The following SAMD4A variants were observed in gnomAD, a reference collection of about 807,000 sequenced individuals.
SAMD4A encodes sterile alpha motif domain containing 4A.
SAMD4A carries 33 observed loss-of-function variants against 81.3 expected under a neutral mutation model. The ratio of observed to expected loss-of-function variants is 0.41; its 90% CI spans 0.31 to 0.54. The LOEUF (loss-of-function observed/expected upper bound fraction) is 0.54, where lower values mean the gene tolerates loss of function less well. Among genes scored for constraint, SAMD4A ranks in the 20% least tolerant of loss-of-function variants. The pLI is 0.37. For synonymous variants in SAMD4A, 389 were observed against 382.1 expected (o/e 1.02, Z -0.21); for missense variants, 854 against 951.1 (o/e 0.90, Z 1.34).
At chr14:54,742,899 A>G (rs1356104177) in intron 4 of SAMD4A, among the ~76,000 whole-genome samples, 1 of 152,160 alleles carries the variant, frequency 6.6e-6, no homozygotes, top group Non-Finnish European at 1.5e-5. Flanking sequence ...TTCTAAGGAG[A>G]CTTTCGTTAG....
intron 3 of SAMD4A, among the ~76,000 whole-genome samples, chr14:54,724,008 G>GGAAGGAAGGAAGGAAGGAA (rs1555347525): frequency 5.4e-4 from 21 of 39,112 alleles, no homozygotes; most frequent in Non-Finnish European, 9.0e-4. Context: ...ATGGATGGAT[G>GGAAGGAAGGAAGGAAGGAA]GAAGGAAGGA....
intron 2 of SAMD4A, among the ~76,000 whole-genome samples, chr14:54,606,484 CCT>C (rs1172236245): frequency 6.6e-6 from 1 of 152,062 alleles, no homozygotes; most frequent in Non-Finnish European, 1.5e-5. Context: ...GGAGTTTGCC[CCT>C]GCACTGTCAG....
intron 3 of SAMD4A, among the ~76,000 whole-genome samples, chr14:54,723,240 A>G (rs1307020984): frequency 6.6e-6 from 1 of 152,190 alleles, no homozygotes; most frequent in Non-Finnish European, 1.5e-5. Context: ...ACAGAACAGC[A>G]GAACCGTAAG....
At chr14:54,713,014 T>C (rs922907557) in intron 3 of SAMD4A, among the ~76,000 whole-genome samples, 1 of 152,192 alleles carries the variant, frequency 6.6e-6, no homozygotes, top group African/African-American at 2.4e-5. Flanking sequence ...TGTAGTCTTA[T>C]GATTTCTGTT....
At chr14:54,771,998 T>C (rs985348883) in intron 9 of SAMD4A, among the ~76,000 whole-genome samples, 4 of 152,228 alleles carry the variant, frequency 2.6e-5, no homozygotes, top group Non-Finnish European at 5.9e-5. Flanking sequence ...ATTGATTAGA[T>C]AAGAATGAAT....
intron 3 of SAMD4A, among the ~76,000 whole-genome samples, chr14:54,709,006 G>A (rs780810412): frequency 6.6e-6 from 1 of 152,186 alleles, no homozygotes; most frequent in Non-Finnish European, 1.5e-5. Context: ...GAGGCCGGAT[G>A]CAGTGGCTCA....
chr14:54,575,847 C>A (rs1481648761), intron 2 of SAMD4A, among the ~76,000 whole-genome samples: 2 of 152,146 alleles, frequency 1.3e-5, no homozygotes, highest in Non-Finnish European at 2.9e-5. Context: ...CTCACCGGCT[C>A]TTTGAACTAC....
chr14:54,589,043 ACATTTTCGTACTTG>A (rs2033702889), intron 2 of SAMD4A, among the ~76,000 whole-genome samples: 1 of 152,238 alleles, frequency 6.6e-6, no homozygotes, highest in South Asian at 2.1e-4. Context: ...AAGAATTATA[ACATTTTCGTACTTG>A]CATTGTCTGT....
At chr14:54,646,748 C>G (rs2035295795) in intron 2 of SAMD4A, among the ~76,000 whole-genome samples, 1 of 152,184 alleles carries the variant, frequency 6.6e-6, no homozygotes, top group Non-Finnish European at 1.5e-5. Flanking sequence ...AAAATAATGC[C>G]TACATGTGCT....
At chr14:54,719,093 C>G (rs1025591275) in intron 3 of SAMD4A, among the ~76,000 whole-genome samples, 1 of 151,964 alleles carries the variant, frequency 6.6e-6, no homozygotes, top group East Asian at 1.9e-4. Context: ...TCTTGTAGAA[C>G]AGCCAGCTTA....
chr14:54,704,790 T>C (rs1470825196), intron 3 of SAMD4A, among the ~76,000 whole-genome samples: 2 of 152,202 alleles, frequency 1.3e-5, no homozygotes, highest in East Asian at 1.9e-4. Flanking sequence ...TCAACACTTA[T>C]ATGTCAATAA....
At chr14:54,661,968 T>G (rs1404612539) in intron 2 of SAMD4A, among the ~76,000 whole-genome samples, 1 of 152,046 alleles carries the variant, frequency 6.6e-6, no homozygotes, top group African/African-American at 2.4e-5. Context: ...GAGCAGGTAT[T>G]GAGATTGGCA....
intron 3 of SAMD4A, chr14:54,702,855 T>G: frequency 4.0e-4 from 136 of 343,282 alleles, no homozygotes; most frequent in Middle Eastern, 1.7e-3. Flanking sequence ...AGAAGGAAAC[T>G]TGCCGTTTCC....
intron 2 of SAMD4A, chr14:54,694,817 G>A (rs1321055607): frequency 1.0e-6 from 1 of 985,452 alleles, no homozygotes; most frequent in Non-Finnish European, 1.2e-6. Context: ...GGGTCCTCAA[G>A]GAGTAAAGGA....
chr14:54,784,875 T>C (rs2039094657), intron 12 of SAMD4A, among the ~76,000 whole-genome samples: 1 of 152,144 alleles, frequency 6.6e-6, no homozygotes, highest in African/African-American at 2.4e-5. Flanking sequence ...ATCAAAGCTG[T>C]CCCTCTGTCC....
upstream of SAMD4A, among the ~76,000 whole-genome samples, chr14:54,565,943 T>C (rs1452660276): frequency 6.8e-6 from 1 of 146,868 alleles, no homozygotes; most frequent in Non-Finnish European, 1.5e-5. The surrounding 1 kb of genome is among the most constrained non-coding windows in gnomAD (Gnocchi z 5.4). Context: ...TAGGAATCCG[T>C]CCCCCCGCCC....
chr14:54,737,112 T>A lies in SAMD4A; in HGVS notation c.804T>A (p.His268Gln). ...PMNVPNQPLGHGWMSHEDLRA... is the reference protein window; with the variant it reads ...PMNVPNQPLGQGWMSHEDLRA... ...ATGTGCCAAACCAGCCTCTAGGACA[T>A]GGATGGATGTCTCATGAGGACTTAC... Residue 268 changes from histidine to glutamine, a missense_variant, in exon 4 of 13, where the codon CAT (histidine) becomes CAA (glutamine). By Grantham distance (24) the His-to-Gln change is conservative. Transcript: ENST00000554335. 6.2e-7 allele frequency: 1 copy of A among 1,614,072 alleles called. No homozygotes were observed. The highest frequency in any genetic ancestry group is 1.3e-5 in the African/African-American group (1 of 75,024).
At chr14:54,709,752 C>T (rs77918367) in intron 3 of SAMD4A, among the ~76,000 whole-genome samples, 1,676 of 152,252 alleles carry the variant, frequency 0.011, 35 homozygotes, top group African/African-American at 0.038. Flanking sequence ...TTGTTTCACC[C>T]ATCAAGAGCA....
At chr14:54,777,540 AAGGTCGTGGCCGATGGTGG>A (rs1395226582) in intron 11 of SAMD4A, among the ~76,000 whole-genome samples, 3 of 152,180 alleles carry the variant, frequency 2.0e-5, no homozygotes, top group Admixed American at 6.5e-5. Context: ...GGGAGCTGTA[AAGGTCGTGGCCGATGGTGG>A]GGGACTTTGA....
Sources: allele counts gnomAD v4.1 joint callset (sites outside exome capture counted in the v4.1 genomes callset), GRCh38; gene constraint gnomAD v4.1.1; non-coding constraint Gnocchi (gnomAD v3.1); transcripts MANE v1.5; gene names NCBI Gene and HGNC (gene_info 2026-07-23, HGNC 2026-07-21).